Variants in AMY2B observed in about 807,000 individuals in gnomAD.
AMY2B encodes amylase alpha 2B.
Under a neutral mutation model 59.3 loss-of-function variants are expected in AMY2B, and 63 were observed. That is an observed-to-expected ratio of 1.06 (90% CI 0.87 to 1.31). AMY2B has a LOEUF of 1.31. AMY2B is among the 50% of genes most tolerant of loss of function. The pLI is 0.00. For missense variants in AMY2B, 635 were observed against 626.7 expected (o/e 1.01, Z -0.14); for synonymous variants, 180 against 198.1 (o/e 0.91, Z 0.77).
chr1:103,571,587 A>T (rs761132097), upstream of AMY2B: 1 of 1,610,144 alleles, frequency 6.2e-7, no homozygotes, highest in South Asian at 1.1e-5. Context: ...AAGGACACTG[A>T]CAACTTCAAA....
At chr1:103,556,825 T>A (rs1227740330) in intron 1 of AMY2B, among the ~76,000 whole-genome samples, 3 of 152,104 alleles carry the variant, frequency 2.0e-5, no homozygotes, top group East Asian at 3.9e-4. Context: ...ATTTTATCTT[T>A]ACTACCCTGT....
upstream of AMY2B, chr1:103,569,968 G>C (rs975599060): frequency 4.3e-6 from 2 of 465,156 alleles, no homozygotes; most frequent in Non-Finnish European, 8.5e-6. Context: ...TCCAGGCTAG[G>C]CTGTCCCTCT....
At chr1:103,567,170 T>G (rs1651937221), upstream of AMY2B, among the ~76,000 whole-genome samples, 1 of 152,196 alleles carries the variant, frequency 6.6e-6, no homozygotes, top group Admixed American at 6.5e-5. Flanking sequence ...AGTTGTGGTT[T>G]CAACTTAATG....
upstream of AMY2B, chr1:103,570,848 T>A (rs535945732): frequency 3.5e-5 from 14 of 400,794 alleles, no homozygotes; most frequent in South Asian, 2.6e-4. Flanking sequence ...TAGAACTTGT[T>A]CCTGATTTTG....
chr1:103,559,115 G>C (rs1651654860), intron 1 of AMY2B, among the ~76,000 whole-genome samples: 1 of 152,156 alleles, frequency 6.6e-6, no homozygotes, highest in Non-Finnish European at 1.5e-5. Flanking sequence ...GGAGGGACGA[G>C]GAACCACTGT....
chr1:103,557,008 C>T (rs548805385), intron 1 of AMY2B, among the ~76,000 whole-genome samples: 1 of 151,896 alleles, frequency 6.6e-6, no homozygotes, highest in Non-Finnish European at 1.5e-5. Context: ...CTAAGAGATA[C>T]AACTGATGAT....
At chr1:103,566,684 T>C (rs1222854414), upstream of AMY2B, among the ~76,000 whole-genome samples, 9 of 152,276 alleles carry the variant, frequency 5.9e-5, no homozygotes, top group Admixed American at 5.2e-4. Flanking sequence ...ACAGAGAATG[T>C]TGACTTGCAA....
chr1:103,565,933 T>TA (rs1442568906), intron 2 of AMY2B, among the ~76,000 whole-genome samples: 1 of 152,170 alleles, frequency 6.6e-6, no homozygotes, highest in Non-Finnish European at 1.5e-5. Flanking sequence ...TTTTTATTAT[T>TA]ACTTTCCTGT....
chr1:103,577,993 A>T, intron 9 of AMY2B, 148 bp downstream of exon 9: 4 of 1,500,192 alleles, frequency 2.7e-6, no homozygotes, highest in Non-Finnish European at 3.5e-6. Flanking sequence ...GGGCAGAAGT[A>T]AAAAGATGAT....
chr1:103,571,311 C>T, upstream of AMY2B: 1 of 858,412 alleles, frequency 1.2e-6, no homozygotes, highest in Non-Finnish European at 1.6e-6. Flanking sequence ...TTTTGGTTTT[C>T]TACTGTTACG....
chr1:103,569,717 A>G (rs910020187), upstream of AMY2B: 4 of 403,756 alleles, frequency 9.9e-6, no homozygotes, highest in Non-Finnish European at 2.0e-5. Flanking sequence ...TATGTGGGCT[A>G]CATGGCTGAG....
chr1:103,575,660 T>C (rs1233332768), intron 7 of AMY2B, 120 bp downstream of exon 7: 8 of 1,432,760 alleles, frequency 5.6e-6, no homozygotes, highest in Admixed American at 2.2e-5. Context: ...AAACCTGATA[T>C]AGGGCTGCGA....
chr1:103,567,801 T>G (rs937975910), upstream of AMY2B, among the ~76,000 whole-genome samples: 3 of 152,170 alleles, frequency 2.0e-5, no homozygotes, highest in African/African-American at 7.2e-5. Context: ...ATCCCACCCT[T>G]TATCACATGT....
At chr1:103,574,052 T>C (rs563334804) in intron 4 of AMY2B, 114 bp downstream of exon 4, 3 of 1,567,158 alleles carry the variant, frequency 1.9e-6, no homozygotes, top group Middle Eastern at 2.2e-4. Flanking sequence ...TTATATAAAA[T>C]GGTGTTCTTT....
intron 1 of AMY2B, among the ~76,000 whole-genome samples, chr1:103,555,674 A>G (rs1160403246): frequency 1.3e-5 from 2 of 152,162 alleles, no homozygotes; most frequent in African/African-American, 2.4e-5. Flanking sequence ...GACGTTGACA[A>G]ACTTGGTGGA....
At chr1:103,557,831 A>T (rs2101059380) in intron 1 of AMY2B, among the ~76,000 whole-genome samples, 1 of 152,294 alleles carries the variant, frequency 6.6e-6, no homozygotes, top group East Asian at 1.9e-4. Flanking sequence ...TATGTTATTT[A>T]TGGGAACATT....
chr1:103,561,807 A>C (rs1651743116), intron 1 of AMY2B: 1 of 152,074 alleles, frequency 6.6e-6, no homozygotes. Context: ...TGAGCAGAGG[A>C]GAGAAGACAG....
intron 1 of AMY2B, among the ~76,000 whole-genome samples, chr1:103,556,710 T>C (rs1372732808): frequency 6.6e-6 from 1 of 151,896 alleles, no homozygotes; most frequent in East Asian, 1.9e-4. Context: ...GGCAAGGTGA[T>C]GGAAGGAGAT....
chr1:103,573,690 A>C lies in AMY2B; in HGVS notation c.514-18A>C. ...AATGAGGTTTTATGAATCAATCATA[A>C]CATTTTTACCTCAACAGGTCAGAGA... is the stretch of plus-strand genomic sequence containing the variant. On this transcript the variant is annotated intron_variant, in intron 3 of 9. Coordinates refer to ENST00000684275, the MANE Select transcript of AMY2B (RefSeq NM_001387437.1). 1 of 1,613,258 alleles carries C rather than the reference A, an allele frequency of 6.2e-7. No individual in the cohort carries two copies. The highest frequency in any genetic ancestry group is 8.5e-7 in the Non-Finnish European group (1 of 1,179,406).
Sources: allele counts gnomAD v4.1 joint callset (sites outside exome capture counted in the v4.1 genomes callset), GRCh38; gene constraint gnomAD v4.1.1; transcripts MANE v1.5; gene names NCBI Gene and HGNC (gene_info 2026-07-23, HGNC 2026-07-21).